Variants in AARS2 observed in about 807,000 individuals in gnomAD.
AARS2 encodes alanyl-tRNA synthetase 2, mitochondrial.
AARS2 carries 78 observed loss-of-function variants against 119.7 expected under a neutral mutation model. The ratio of observed to expected loss-of-function variants is 0.65; its 90% CI spans 0.54 to 0.79. AARS2 has a LOEUF of 0.79. AARS2 is among the 30% of genes least tolerant of loss of function. The pLI, the probability that AARS2 is intolerant of heterozygous loss-of-function variation, is 0.00. For synonymous variants in AARS2, 502 were observed against 526.3 expected, an observed-to-expected ratio of 0.95 and a Z score of 0.63; for missense variants, 1,157 against 1,291.3, an observed-to-expected ratio of 0.90 and a Z score of 1.59.
chr6:44,303,551 T>G, intron 14 of AARS2, 128 bp from the exon 15 acceptor site: 1 of 1,405,896 alleles, frequency 7.1e-7, no homozygotes, highest in Non-Finnish European at 1.0e-6. Flanking sequence ...TAGCACATAA[T>G]AGGTGCTCAA....
chr6:44,308,311 G>A (rs919135207), intron 5 of AARS2, among the ~76,000 whole-genome samples: 1 of 152,172 alleles, frequency 6.6e-6, no homozygotes, highest in African/African-American at 2.4e-5. Flanking sequence ...GCTGAGGCGG[G>A]TGGATCACCT....
At position 44,300,673 on chromosome 6, in the gene AARS2, C is replaced by T. The variant is rs1280216627; in HGVS notation, c.2832G>A (p.Leu944=). The T allele has an allele frequency of 1.9e-6, 3 of 1,613,642 alleles. No individual in the cohort carries two copies. Among genetic ancestry groups the T allele is most frequent in the Non-Finnish European group, 2.5e-6 (3 of 1,180,034 alleles). The change falls in exon 22 of 22, where the codon CTG becomes CTA. Residue 944 remains leucine (L), a synonymous_variant. Transcript: ENST00000244571. The part of the protein sequence containing the change: ...MPTFTAEAWA[L]AVCSHMGGKA... ...TGCCCCCCATGTGGCTGCACACTGCCAGTGCCCAGGCCTCTGCTGTGAAGG... is the reference window on the plus strand; with the variant it reads ...TGCCCCCCATGTGGCTGCACACTGCTAGTGCCCAGGCCTCTGCTGTGAAGG...
chr6:44,302,283 C>G, intron 18 of AARS2, 108 bp downstream of exon 18: 1 of 1,610,348 alleles, frequency 6.2e-7, no homozygotes, highest in Non-Finnish European at 8.5e-7. Flanking sequence ...TCTGGGCCAG[C>G]TGGAGCCCAA....
chr6:44,307,360 C>T lies in AARS2; in HGVS notation c.929G>A (p.Gly310Glu). ...CRAPPYLGRV[G>E]VADEGRTDTA... ...GTCTGTGCGCCCCTCGTCTGCCACC[C>T]CTACTCGGCCCAAGTAAGGGGGTGC... is the stretch of plus-strand genomic sequence containing the variant. Residue 310 changes from glycine to glutamate, a missense_variant, in exon 6 of 22, where the codon GGG becomes GAG. Transcript: ENST00000244571. The surrounding 1 kb of genome is among the most constrained non-coding windows in gnomAD (Gnocchi z 4.4). 6.2e-7 allele frequency: 1 copy of T among 1,609,756 alleles called. No individual in the cohort carries two copies. The highest frequency in any genetic ancestry group is 8.5e-7 in the Non-Finnish European group (1 of 1,178,362).
chr6:44,304,317 C>T lies in AARS2; in HGVS notation c.1871G>A (p.Trp624Ter), dbSNP rs749701451. The change falls in exon 14 of 22, where the codon TGG becomes TAG. Residue 624 changes from tryptophan to a stop codon, truncating the protein, a stop_gained. Coordinates refer to ENST00000244571, the MANE Select transcript of AARS2 (RefSeq NM_020745.4). LOFTEE classifies it high-confidence loss of function. ...DQVQLHVDEA[W>*]RLGCMAKHTA... ...ATGCTTCGCCATGCAGCCTAGACGCCAGGCCTGAAATACTTTTGTCACCCA... is the reference window on the plus strand; with the variant it reads ...ATGCTTCGCCATGCAGCCTAGACGCTAGGCCTGAAATACTTTTGTCACCCA... 1.9e-6 allele frequency: 3 copies of T among 1,614,182 alleles called. No homozygotes were observed. Among genetic ancestry groups the T allele is most frequent in the Admixed American group, 3.3e-5 (2 of 60,034 alleles).
In AARS2 at chr6:44,302,106, A is replaced by G; in HGVS notation, c.2552T>C (p.Leu851Pro). Residue 851 changes from leucine to proline, a missense_variant, in exon 19 of 22, where the codon CTG (leucine) becomes CCG (proline). Physicochemically the swap from Leu to Pro is moderately conservative, Grantham distance 98. Coordinates refer to ENST00000244571, the MANE Select transcript of AARS2 (RefSeq NM_020745.4). ...RRELLATVKMLQRRANTAIRK... is the reference protein window; with the variant it reads ...RRELLATVKMPQRRANTAIRK... ...GATGGCAGTGTTGGCACGCCGCTGC[A>G]GCATCTTCACTGTGGCCAGCAGCTC... The G allele has an allele frequency of 1.2e-6, 2 of 1,613,962 alleles. No individual in the cohort carries two copies. Among genetic ancestry groups the G allele is most frequent in the Non-Finnish European group, 1.7e-6 (2 of 1,180,026 alleles).
At chr6:44,309,963 C>G (rs1242014734) in intron 5 of AARS2, among the ~76,000 whole-genome samples, 1 of 152,196 alleles carries the variant, frequency 6.6e-6, no homozygotes, top group East Asian at 1.9e-4. Flanking sequence ...TGTTCTTTAA[C>G]ACATTTATTG....
At chr6:44,303,563 A>G (rs1475920715) in intron 14 of AARS2, 140 bp from the exon 15 acceptor site, 3 of 1,296,644 alleles carry the variant, frequency 2.3e-6, no homozygotes, top group South Asian at 2.5e-5. Flanking sequence ...GGTGCTCAAT[A>G]AACACTACCT....
chr6:44,303,966 T>C (rs1342355995), intron 14 of AARS2, among the ~76,000 whole-genome samples: 1 of 152,106 alleles, frequency 6.6e-6, no homozygotes, highest in African/African-American at 2.4e-5. Flanking sequence ...GGATCCCACA[T>C]CAGAGCTGGG....
At position 44,312,232 on chromosome 6, in the gene AARS2, G is replaced by A; in HGVS notation, c.275C>T (p.Pro92Leu). ...TCGGAAGCCTGCCATCTCGCTTCGTGGATCCACGGTGCCCAGAAAGATTGG... is the reference window on the plus strand; with the variant it reads ...TCGGAAGCCTGCCATCTCGCTTCGTAGATCCACGGTGCCCAGAAAGATTGG... ...FKPIFLGTVD[P>L]RSEMAGFRRV... The change falls in exon 2 of 22, where the codon CCA (proline) becomes CTA (leucine). Residue 92 changes from proline (P) to leucine (L), a missense_variant. Physicochemically the swap from Pro to Leu is moderately conservative, Grantham distance 98. Coordinates refer to ENST00000244571, the MANE Select transcript of AARS2 (RefSeq NM_020745.4). The A allele has an allele frequency of 1.2e-6, 2 of 1,613,972 alleles. No homozygotes were observed. Among genetic ancestry groups the A allele is most frequent in the Non-Finnish European group, 1.7e-6 (2 of 1,179,816 alleles).
chr6:44,306,924 AGT>A lies in AARS2; in HGVS notation c.1146_1147del (p.Leu383GlyfsTer33). On this transcript the variant is annotated frameshift_variant and splice_region_variant, in exon 7 of 22. Transcript: ENST00000244571. LOFTEE classifies it high-confidence loss of function. ...GTGAAAAAGAAGCTCTGTCCTTACC[AGT>A]GTCTCCACCACTACAGGTACCAGGC... is the stretch of plus-strand genomic sequence containing the variant. 1 of 1,613,540 alleles carries A rather than the reference AGT, an allele frequency of 6.2e-7. No individual in the cohort carries two copies. The highest frequency in any genetic ancestry group is 8.5e-7 in the Non-Finnish European group (1 of 1,179,532).
chr6:44,312,098 A>T lies in AARS2; in HGVS notation c.409T>A (p.Trp137Arg). ...TTAAAATATTCACCCCCAAAGGCCCAATTGCCAAGCATTTCAAAGAAGGTA... is the reference window on the plus strand; with the variant it reads ...TTAAAATATTCACCCCCAAAGGCCCTATTGCCAAGCATTTCAAAGAAGGTA... Reference protein sequence around the residue: ...HHTFFEMLGNWAFGGEYFKEE... With the variant: ...HHTFFEMLGNRAFGGEYFKEE... Residue 137 changes from tryptophan (W) to arginine (R), a missense_variant, in exon 2 of 22, where the codon TGG becomes AGG. Coordinates refer to ENST00000244571, the MANE Select transcript of AARS2 (RefSeq NM_020745.4). 1 of 1,614,212 alleles carries T rather than the reference A, an allele frequency of 6.2e-7. No homozygotes were observed. Among genetic ancestry groups the T allele is most frequent in the Non-Finnish European group, 8.5e-7 (1 of 1,180,040 alleles).
In AARS2 at chr6:44,305,240, GA is replaced by G. The variant is rs1785738870; in HGVS notation, c.1435-43del. The G allele has an allele frequency of 6.2e-7, 1 of 1,604,090 alleles. No homozygotes were observed. Among genetic ancestry groups the G allele is most frequent in the Admixed American group, 1.7e-5 (1 of 60,028 alleles). On this transcript the variant is annotated intron_variant, in intron 10 of 21. Transcript: ENST00000244571. The surrounding 1 kb of genome is among the most constrained non-coding windows in gnomAD (Gnocchi z 4.6). ...GGCATGGAAGAAGTGCATGGAGAAT[GA>G]AAGAATGAAAGTGGGACTTCAGCCT...
In AARS2 at chr6:44,299,434, CTTTT is replaced by C. The variant is rs112521684; in HGVS notation, c.*1109_*1112del. On this transcript the variant is annotated 3_prime_UTR_variant, in exon 22 of 22. Coordinates refer to ENST00000244571, the MANE Select transcript of AARS2 (RefSeq NM_020745.4). ...CTGGGAGGCTGAGGCATAAAGATTA[CTTTT>C]TTTTTTTTTTGTAGACAGGGTCTTG... Among the ~76,000 whole-genome samples the C allele has an allele frequency of 1.4e-5, 2 of 144,474 alleles. No individual in the cohort carries two copies. The highest frequency in any genetic ancestry group is 3.1e-5 in the Non-Finnish European group (2 of 65,438). The allele number at this position is 144,474 out of a possible 152,430, so 94.8% of individuals were successfully genotyped here.
At chr6:44,312,287 G>T (rs369350717) in intron 1 of AARS2, 24 bp from the exon 2 acceptor site, 5 of 1,609,662 alleles carry the variant, frequency 3.1e-6, no homozygotes. Flanking sequence ...GAGTGGGGAG[G>T]GGGAGAGGGA....
At position 44,305,527 on chromosome 6, in the gene AARS2, G is replaced by C. The variant is rs1785768152; in HGVS notation, c.1434+126C>G. The C allele has an allele frequency of 6.8e-7, 1 of 1,468,936 alleles. No homozygotes were observed. The highest frequency in any genetic ancestry group is 1.4e-5 in the African/African-American group (1 of 71,592). 91.0% of individuals were successfully genotyped at this position (1,468,936 alleles called of 1,614,324 possible). A position where few individuals can be genotyped will look rare whatever the true frequency, so the allele number is the denominator to read the frequency against. ...GGCCTGAGGTTTTAGAAACCTCCCA[G>C]GTGAGGGGACAGATCCTATCTCAGC... On this transcript the variant is annotated intron_variant, in intron 10 of 21. Transcript: ENST00000244571. The surrounding 1 kb of genome is among the most constrained non-coding windows in gnomAD (Gnocchi z 4.6).
At chr6:44,312,884 G>A (rs545702746) in intron 1 of AARS2, among the ~76,000 whole-genome samples, 197 bp downstream of exon 1, 24 of 152,224 alleles carry the variant, frequency 1.6e-4, no homozygotes, top group African/African-American at 5.8e-4. Context: ...CAATCCAGAA[G>A]TTCCCAGCTC....
intron 9 of AARS2, among the ~76,000 whole-genome samples, 167 bp downstream of exon 9, chr6:44,306,113 C>G (rs567770257): frequency 6.6e-6 from 1 of 152,118 alleles, no homozygotes; most frequent in African/African-American, 2.4e-5. Context: ...GGGTGGTATT[C>G]CTGCTGCAGA....
chr6:44,303,565 A>G, intron 14 of AARS2, 142 bp from the exon 15 acceptor site: 1 of 1,271,886 alleles, frequency 7.9e-7, no homozygotes, highest in Non-Finnish European at 1.1e-6. Flanking sequence ...TGCTCAATAA[A>G]CACTACCTGA....
Sources: gnomAD v4.1 joint callset for allele counts (sites outside exome capture counted in the v4.1 genomes callset) on GRCh38, gnomAD v4.1.1 for gene constraint, Gnocchi (gnomAD v3.1) non-coding constraint, MANE v1.5 for transcripts, NCBI Gene and HGNC (gene_info 2026-07-23, HGNC 2026-07-21) for gene names.